The following TOR1A variants were observed in gnomAD, a reference collection of about 807,000 sequenced individuals.
The protein encoded by TOR1A is torsin-1A.
In TOR1A, 18 loss-of-function variants were observed where a neutral mutation model predicts 31.4. The observed-to-expected ratio is 0.57, with a 90% CI of 0.40 to 0.85. TOR1A has a LOEUF of 0.85. Ranked by LOEUF, TOR1A falls within the 40% of genes least tolerant of loss-of-function variation. TOR1A has a pLI of 0.00. For synonymous variants in TOR1A, 168 were observed against 165.9 expected (o/e 1.01, Z -0.10); for missense variants, 375 against 416.4 (o/e 0.90, Z 0.87).
chr9:129,814,264 A>T, intron 4 of TOR1A, 42 bp from the exon 5 acceptor site: 1 of 1,613,116 alleles, frequency 6.2e-7, no homozygotes. Context: ...ACATCCACCC[A>T]CCTGCCCTAT....
In TOR1A at chr9:129,818,816, G is replaced by A; in HGVS notation, c.549C>T (p.Ile183=). The A allele has an allele frequency of 6.2e-7, 1 of 1,613,826 alleles. No individual in the cohort carries two copies. The highest frequency in any genetic ancestry group is 8.5e-7 in the Non-Finnish European group (1 of 1,180,042). The change falls in exon 3 of 5, where the codon ATC becomes ATT. Residue 183 remains isoleucine (I), a synonymous_variant. Coordinates refer to ENST00000351698, the MANE Select transcript of TOR1A (RefSeq NM_000113.3). ...GGTCATAATAGTCGAGGAAAGGCTT[G>A]ATGGCATCTATGAGGCCTGCATGCA... ...DKMHAGLIDA[I]KPFLDYYDLV...
chr9:129,823,844 C>T, intron 1 of TOR1A, 64 bp downstream of exon 1: 1 of 1,526,458 alleles, frequency 6.6e-7, no homozygotes, highest in Non-Finnish European at 8.8e-7. Flanking sequence ...GGTCCTAGTT[C>T]AGCCCTAGTG....
Position 129,823,902 on chromosome 9 carries a change from G to A in TOR1A, c.178+6C>T. 7.8e-7 allele frequency: 1 copy of A among 1,287,474 alleles called. No individual in the cohort carries two copies. The highest frequency in any genetic ancestry group is 1.2e-5 in the South Asian group (1 of 81,714). 79.8% of individuals were successfully genotyped at this position (1,287,474 alleles called of 1,614,324 possible). ...GCCCCAGCCTCCAGCCCCCGCCCCA[G>A]CCTACCCTCCCGGCTAAGGCTCCGC... is the stretch of plus-strand genomic sequence containing the variant. On this transcript the variant is annotated splice_donor_region_variant and intron_variant, in intron 1 of 4. Coordinates refer to ENST00000351698, the MANE Select transcript of TOR1A (RefSeq NM_000113.3).
intron 2 of TOR1A, 134 bp from the exon 3 acceptor site, chr9:129,819,054 A>C: frequency 1.0e-6 from 1 of 997,452 alleles, no homozygotes; most frequent in Non-Finnish European, 1.5e-6. Flanking sequence ...CATGCCCAAA[A>C]TCTTCTTTGT....
chr9:129,822,411 G>C (rs763679349), intron 2 of TOR1A, 170 bp downstream of exon 2: 2 of 918,668 alleles, frequency 2.2e-6, no homozygotes, highest in Non-Finnish European at 3.4e-6. Context: ...GGTATTAACT[G>C]CTCCACGCAT....
intron 4 of TOR1A, among the ~76,000 whole-genome samples, chr9:129,815,810 C>A (rs1035065236): frequency 2.6e-5 from 4 of 152,210 alleles, no homozygotes; most frequent in Non-Finnish European, 5.9e-5. Context: ...CTTGATTCTT[C>A]TCTCATTCCC....
chr9:129,823,505 C>CCAGCCT (rs1390619056), intron 1 of TOR1A: 1 of 178,852 alleles, frequency 5.6e-6, no homozygotes, highest in Non-Finnish European at 1.2e-5. Flanking sequence ...AGCCCCAGCC[C>CCAGCCT]CAGCCCCAGC....
intron 4 of TOR1A, among the ~76,000 whole-genome samples, chr9:129,817,855 A>AG (rs1339679869): frequency 6.0e-4 from 90 of 150,084 alleles, no homozygotes; most frequent in African/African-American, 2.2e-3. Flanking sequence ...AAAAAAAAAA[A>AG]AAAAAAAAAA....
chr9:129,813,893 TG>T lies in TOR1A; in HGVS notation c.*78del. On this transcript the variant is annotated 3_prime_UTR_variant, in exon 5 of 5. Transcript: ENST00000351698. ...GGATTCCTCTTCCAGGGAAAGGAGC[TG>T]GGGGTGGAAGTGTGGAAGGACTGAG... 2 of 1,564,618 alleles carry T rather than the reference TG, an allele frequency of 1.3e-6. No homozygotes were observed.
chr9:129,818,217 C>T (rs902190285), intron 4 of TOR1A: 7 of 416,008 alleles, frequency 1.7e-5, no homozygotes, highest in African/African-American at 4.1e-5. Flanking sequence ...GCACAAGAAT[C>T]GCTTGAGCCC....
rs773480738 is a variant in TOR1A, at chr9:129,822,725, C to T, written c.300G>A (p.Leu100=). 15 of 1,614,052 alleles carry T rather than the reference C, an allele frequency of 9.3e-6. No homozygotes were observed. Among genetic ancestry groups the T allele is most frequent in the South Asian group, 3.3e-5 (3 of 91,082 alleles). The change falls in exon 2 of 5, where the codon CTG becomes CTA. Residue 100 remains leucine, a synonymous_variant. Transcript: ENST00000351698. ...TTTTGCCGGTGCCTGTCCACCCGTG[C>T]AGGGAGAGCGTGAGAGGTTTCTTGG... ...PKPKKPLTLS[L]HGWTGTGKNF...
intron 4 of TOR1A, among the ~76,000 whole-genome samples, chr9:129,817,195 ATGG>A (rs376734413): frequency 6.6e-6 from 1 of 152,222 alleles, no homozygotes; most frequent in African/African-American, 2.4e-5. Context: ...CCTGCGAGGT[ATGG>A]TGAAGACTGA....
intron 4 of TOR1A, among the ~76,000 whole-genome samples, chr9:129,816,129 C>A (rs1377732939): frequency 6.6e-6 from 1 of 152,194 alleles, no homozygotes; most frequent in Non-Finnish European, 1.5e-5. Flanking sequence ...CCGTTTCCCT[C>A]CTCTGTTTAT....
chr9:129,813,869 G>T lies in TOR1A; in HGVS notation c.*103C>A. The T allele has an allele frequency of 6.7e-7, 1 of 1,491,998 alleles. No homozygotes were observed. Among genetic ancestry groups the T allele is most frequent in the South Asian group, 1.1e-5 (1 of 87,838 alleles). 92.4% of individuals were successfully genotyped at this position (1,491,998 alleles called of 1,614,324 possible). On this transcript the variant is annotated 3_prime_UTR_variant, in exon 5 of 5. Coordinates refer to ENST00000351698, the MANE Select transcript of TOR1A (RefSeq NM_000113.3). ...TCACATCAAACAGGAACATTCACTG[G>T]ATTCCTCTTCCAGGGAAAGGAGCTG...
chr9:129,821,444 C>G (rs1214719065), intron 2 of TOR1A: 1 of 152,224 alleles, frequency 6.6e-6, no homozygotes, highest in African/African-American at 2.4e-5. Flanking sequence ...ACAGACAGAG[C>G]TCCCTGGATT....
At chr9:129,818,393 G>T (rs764345394) in intron 4 of TOR1A, 127 bp downstream of exon 4, 41 of 1,435,116 alleles carry the variant, frequency 2.9e-5, no homozygotes, top group Non-Finnish European at 3.8e-5. Flanking sequence ...GACTCGGAAG[G>T]GGACTGAGAA....
chr9:129,814,082 CAAT>C lies in TOR1A; in HGVS notation c.886_888del (p.Ile296del). On this transcript the variant is annotated inframe_deletion, in exon 5 of 5. Transcript: ENST00000351698. The stretch of plus-strand genomic sequence containing the variant: ...GTCATCTCCTCAGCCACTCTGCTTA[CAAT>C]GTCTTCATCAATTTCATAGCCTCGG... The C allele has an allele frequency of 2.5e-6, 4 of 1,614,216 alleles. No homozygotes were observed. Among genetic ancestry groups the C allele is most frequent in the Non-Finnish European group, 3.4e-6 (4 of 1,180,038 alleles).
At position 129,813,659 on chromosome 9, in the gene TOR1A, T is replaced by A; in HGVS notation, c.*313A>T. 2.2e-6 allele frequency: 1 copy of A among 459,106 alleles called. No homozygotes were observed. The highest frequency in any genetic ancestry group is 4.0e-6 in the Non-Finnish European group (1 of 252,540). The allele number at this position is 459,106 out of a possible 1,614,324, so 28.4% of individuals were successfully genotyped here. A position where few individuals can be genotyped will look rare whatever the true frequency, so the allele number is the denominator to read the frequency against. The stretch of plus-strand genomic sequence containing the variant: ...CATTTTCAATAAAACTTATTCATCC[T>A]TCCTTGAAACAGAAACACTTGGAAT... On this transcript the variant is annotated 3_prime_UTR_variant, in exon 5 of 5. Transcript: ENST00000351698.
At position 129,814,266 on chromosome 9, in the gene TOR1A, C is replaced by T. The variant is rs537572462; in HGVS notation, c.749-44G>A. 1.9e-6 allele frequency: 3 copies of T among 1,613,306 alleles called. No homozygotes were observed. In the East Asian group the frequency reaches 6.7e-5, roughly 36 times the overall value. ...GTGCTGTTCATCCACATCCACCCAC[C>T]TGCCCTATAGACGCCTCCTGGGGGT... On this transcript the variant is annotated intron_variant, in intron 4 of 4. Transcript: ENST00000351698.
Sources: allele counts gnomAD v4.1 joint callset (sites outside exome capture counted in the v4.1 genomes callset), GRCh38; gene constraint gnomAD v4.1.1; transcripts MANE v1.5; gene names NCBI Gene and HGNC (gene_info 2026-07-23, HGNC 2026-07-21).